The following ABL2 variants were observed in gnomAD, a reference collection of about 807,000 sequenced individuals.
ABL2 encodes ABL proto-oncogene 2, non-receptor tyrosine kinase, also known as tyrosine-protein kinase ABL2.
In ABL2, 49 loss-of-function variants were observed where a neutral mutation model predicts 107.7. That is an observed-to-expected ratio of 0.45 (90% CI 0.36 to 0.58). ABL2 has a LOEUF of 0.58. Among genes scored for constraint, ABL2 ranks in the 20% least tolerant of loss-of-function variants. ABL2 has a pLI of 0.00. For missense variants in ABL2, 1,245 were observed against 1,457.0 expected (o/e 0.85, Z 2.37); for synonymous variants, 549 against 548.6 (o/e 1.00, Z -0.01).
intron 5 of ABL2, 150 bp from the exon 6 acceptor site, chr1:179,120,424 T>A (rs1655079201): frequency 5.0e-6 from 2 of 399,670 alleles, no homozygotes; most frequent in Admixed American, 4.4e-5. Context: ...ATATAATTAT[T>A]ATTTTAATTT....
chr1:179,124,805 A>C (rs916937426), intron 4 of ABL2, among the ~76,000 whole-genome samples: 3 of 152,134 alleles, frequency 2.0e-5, no homozygotes, highest in Non-Finnish European at 2.9e-5. Flanking sequence ...CACAATATGT[A>C]TTGTTTTATG....
At chr1:179,122,609 T>C in intron 4 of ABL2, among the ~76,000 whole-genome samples, 1 of 151,914 alleles carries the variant, frequency 6.6e-6, no homozygotes, top group East Asian at 1.9e-4. Flanking sequence ...TTTTCAAATA[T>C]ATATATACTC....
rs1225190514 is a variant in ABL2, at chr1:179,118,629, G to A, written c.1181C>T (p.Ser394Phe). 6.2e-7 allele frequency: 1 copy of A among 1,613,828 alleles called. No individual in the cohort carries two copies. The highest frequency in any genetic ancestry group is 1.1e-5 in the South Asian group (1 of 91,052). The change falls in exon 7 of 12, where the codon TCT (serine) becomes TTT (phenylalanine). Residue 394 changes from serine (S) to phenylalanine (F), a missense_variant. By Grantham distance (155) the Ser-to-Phe change is radical (BLOSUM62 -2). Around this residue, in one of 3 missense-constraint regions of ABL2, gnomAD observed 320 missense variants for 547.0 expected, o/e 0.59. Transcript: ENST00000502732. Reference protein sequence around the residue: ...VVLLYMATQISSAMEYLEKKN... With the variant: ...VVLLYMATQIFSAMEYLEKKN... ...CTTCTCTAAGTACTCCATTGCAGAA[G>A]AAATCTGAGTGGCCATGTAGAGCAG...
chr1:179,160,193 T>C (rs957501050), intron 1 of ABL2, among the ~76,000 whole-genome samples: 2 of 152,034 alleles, frequency 1.3e-5, no homozygotes, highest in Non-Finnish European at 2.9e-5. Context: ...ATAATATTCA[T>C]ATAACTATTA....
intron 1 of ABL2, among the ~76,000 whole-genome samples, chr1:179,149,614 T>C (rs899258113): frequency 6.6e-6 from 1 of 152,232 alleles, no homozygotes; most frequent in African/African-American, 2.4e-5. Context: ...GACTTTAAAT[T>C]GAAGCCAACG....
chr1:179,160,409 A>T (rs1658988910), intron 1 of ABL2, among the ~76,000 whole-genome samples: 1 of 152,048 alleles, frequency 6.6e-6, no homozygotes, highest in African/African-American at 2.4e-5. Flanking sequence ...ATACTTCTAC[A>T]TCATTCCTAT....
chr1:179,172,710 A>G (rs1345046689), intron 1 of ABL2, among the ~76,000 whole-genome samples: 1 of 152,210 alleles, frequency 6.6e-6, no homozygotes, highest in Non-Finnish European at 1.5e-5. Flanking sequence ...GACACTGCTG[A>G]TATTCCTCAA....
At position 179,180,140 on chromosome 1, in the gene ABL2, G is replaced by A. The variant is rs149120914; in HGVS notation, c.158-46766C>T. 3.4e-3 allele frequency among the ~76,000 whole-genome samples: 506 copies of A among 148,414 alleles called. 4 individuals carry two copies. The highest frequency in any genetic ancestry group is 5.8e-3 in the Admixed American group (86 of 14,756). ...GTCTTAAAAAAACAAAAAAAAAAAG[G>A]GGGGAAATACTTCTGGACCACCTAC... On this transcript the variant is annotated intron_variant, in intron 1 of 11. Transcript: ENST00000502732.
At chr1:179,190,459 T>C (rs551243823) in intron 1 of ABL2, among the ~76,000 whole-genome samples, 1 of 152,278 alleles carries the variant, frequency 6.6e-6, no homozygotes, top group East Asian at 1.9e-4. Context: ...TGTTCAGCTA[T>C]CCCAAAGCTG....
At chr1:179,180,963 A>C (rs1259375409) in intron 1 of ABL2, among the ~76,000 whole-genome samples, 5 of 152,214 alleles carry the variant, frequency 3.3e-5, no homozygotes, top group Non-Finnish European at 7.3e-5. Context: ...AAAGAAGAGA[A>C]TCATATCCCA....
At chr1:179,135,585 G>A (rs1489398844) in intron 1 of ABL2, among the ~76,000 whole-genome samples, 2 of 151,648 alleles carry the variant, frequency 1.3e-5, no homozygotes, top group East Asian at 2.0e-4. Context: ...CAGCCACCTC[G>A]TCCGGGAGGG....
At position 179,126,262 on chromosome 1, in the gene ABL2, G is replaced by A; in HGVS notation, c.687+115C>T. On this transcript the variant is annotated intron_variant, in intron 4 of 11. Transcript: ENST00000502732. This position sits in a 1 kb window ranked among gnomAD's most constrained non-coding sequence, Gnocchi z 4.4. ...CAAAAAGCCCAAACTCACAAAGCTA[G>A]TGAATATTTTATTTCACGTCAGACA... 1 of 1,241,404 alleles carries A rather than the reference G, an allele frequency of 8.1e-7. No homozygotes were observed. Among genetic ancestry groups the A allele is most frequent in the Admixed American group, 2.5e-5 (1 of 40,446 alleles). 76.9% of individuals were successfully genotyped at this position (1,241,404 alleles called of 1,614,324 possible).
Position 179,099,582 on chromosome 1 carries a change from G to A in ABL2, c.*8136C>T, listed in dbSNP as rs1048217089. 1 of 229,878 alleles carries A rather than the reference G, an allele frequency of 4.4e-6. No individual in the cohort carries two copies. Among genetic ancestry groups the A allele is most frequent in the Non-Finnish European group, 8.6e-6 (1 of 115,962 alleles). The allele number at this position is 229,878 out of a possible 1,614,324, so 14.2% of individuals were successfully genotyped here. A position where few individuals can be genotyped will look rare whatever the true frequency, so the allele number is the denominator to read the frequency against. ...GTGACACACAATTGATGTGTTTTTAGTTAAATCCCACATTGTCTCACTATG... is the reference window on the plus strand; with the variant it reads ...GTGACACACAATTGATGTGTTTTTAATTAAATCCCACATTGTCTCACTATG... On this transcript the variant is annotated 3_prime_UTR_variant, in exon 12 of 12. Transcript: ENST00000502732.
At chr1:179,229,198 C>CCCCCCCCCCCCCCCCCCCCCCACA in intron 1 of ABL2, 43 bp downstream of exon 1, 1 of 1,360,010 alleles carries the variant, frequency 7.4e-7, no homozygotes, top group Non-Finnish European at 9.7e-7. Flanking sequence ...ACCCCACCCC[C>CCCCCCCCCCCCCCCCCCCCCCACA]GGCCTCCCCC....
At chr1:179,165,431 T>TAA (rs917346872) in intron 1 of ABL2, among the ~76,000 whole-genome samples, 2 of 146,878 alleles carry the variant, frequency 1.4e-5, no homozygotes, top group Non-Finnish European at 3.0e-5. Flanking sequence ...TTTTGGAAAT[T>TAA]AAAAAAAAAA....
chr1:179,107,760 T>C lies in ABL2; in HGVS notation c.3507A>G (p.Leu1169=), dbSNP rs375374944. 1.1e-5 allele frequency: 17 copies of C among 1,613,866 alleles called. No individual in the cohort carries two copies. Among genetic ancestry groups the C allele is most frequent in the Non-Finnish European group, 1.4e-5 (17 of 1,179,916 alleles). The part of the protein sequence containing the change: ...VPGTNPVLNN[L]LSCVQEISDV... The stretch of plus-strand genomic sequence containing the variant: ...CACTGATTTCCTGTACACATGACAA[T>C]AAGTTATTAAGGACAGGGTTTGTCC... Residue 1169 remains leucine, a synonymous_variant, in exon 12 of 12, where the codon TTA becomes TTG. Transcript: ENST00000502732.
intron 1 of ABL2, among the ~76,000 whole-genome samples, chr1:179,215,291 A>G (rs1473524896): frequency 1.3e-5 from 2 of 152,218 alleles, no homozygotes; most frequent in Admixed American, 6.5e-5. Flanking sequence ...GGTGTGGGAA[A>G]CACCTATCGA....
chr1:179,195,287 CA>C (rs991296416), intron 1 of ABL2, among the ~76,000 whole-genome samples: 1 of 151,158 alleles, frequency 6.6e-6, no homozygotes, highest in Non-Finnish European at 1.5e-5. Context: ...AACTCTGTCT[CA>C]AAAAAAACAA....
intron 1 of ABL2, among the ~76,000 whole-genome samples, chr1:179,188,598 C>T (rs1018981444): frequency 6.6e-6 from 1 of 152,054 alleles, no homozygotes; most frequent in Non-Finnish European, 1.5e-5. Flanking sequence ...TCCCTTTACC[C>T]AGCACTATCT....
Sources: gnomAD v4.1 joint callset for allele counts (sites outside exome capture counted in the v4.1 genomes callset) on GRCh38, gnomAD v4.1.1 for gene constraint, gnomAD v4.1.1 regional missense constraint, Gnocchi (gnomAD v3.1) non-coding constraint, MANE v1.5 for transcripts, NCBI Gene and HGNC (gene_info 2026-07-23, HGNC 2026-07-21) for gene names.